KIF24: variants seen among roughly 807,000 people sequenced by gnomAD.
The protein encoded by KIF24 is kinesin family member 24.
A neutral mutation model predicts 118.9 loss-of-function variants in KIF24; 81 were observed. The observed-to-expected ratio is 0.68, with a 90% CI of 0.57 to 0.82. KIF24 has a LOEUF of 0.82. Among genes scored for constraint, KIF24 ranks in the 40% least tolerant of loss-of-function variants. KIF24 has a pLI of 0.00. For synonymous variants in KIF24, 599 were observed against 610.0 expected, an observed-to-expected ratio of 0.98 and a Z score of 0.27; for missense variants, 1,560 against 1,661.6, an observed-to-expected ratio of 0.94 and a Z score of 1.06.
chr9:34,283,888 T>C (rs1382557268), intron 6 of KIF24, among the ~76,000 whole-genome samples: 1 of 152,136 alleles, frequency 6.6e-6, no homozygotes, highest in African/African-American at 2.4e-5. Context: ...TATCTATCAA[T>C]TGAAAGTGTC....
At chr9:34,304,274 C>T (rs1329776887) in intron 3 of KIF24, among the ~76,000 whole-genome samples, 1 of 152,128 alleles carries the variant, frequency 6.6e-6, no homozygotes, top group Admixed American at 6.6e-5. Context: ...GTCTTCCCAG[C>T]ATTTTTATAT....
At chr9:34,301,395 G>A (rs567041318) in intron 3 of KIF24, among the ~76,000 whole-genome samples, 4 of 152,064 alleles carry the variant, frequency 2.6e-5, no homozygotes, top group Admixed American at 1.3e-4. Context: ...TTACAGGCAT[G>A]CAGCCACCAC....
chr9:34,318,587 C>CAG lies in KIF24; in HGVS notation c.-25-7218_-25-7217dup. 7.2e-7 allele frequency: 1 copy of CAG among 1,379,422 alleles called. No individual in the cohort carries two copies. Among genetic ancestry groups the CAG allele is most frequent in the Non-Finnish European group, 1.0e-6 (1 of 983,544 alleles). The allele number at this position is 1,379,422 out of a possible 1,614,324, so 85.4% of individuals were successfully genotyped here. A position where few individuals can be genotyped will look rare whatever the true frequency, so the allele number is the denominator to read the frequency against. On this transcript the variant is annotated intron_variant, in intron 1 of 12. Coordinates refer to ENST00000402558, the MANE Select transcript of KIF24 (RefSeq NM_194313.4). This position sits in a 1 kb window ranked among gnomAD's most constrained non-coding sequence, Gnocchi z 4.9. ...CCTGTACCAGGCCATGGCCAAGGAC[C>CAG]AGGCGGTGGAGAACATCCTGGTGTC...
intron 9 of KIF24, 31 bp downstream of exon 9, chr9:34,263,070 G>A (rs1291172738): frequency 6.5e-6 from 10 of 1,536,482 alleles, no homozygotes; most frequent in Middle Eastern, 3.4e-4. Flanking sequence ...GAATGAATCA[G>A]AACAAACTCA....
At chr9:34,311,713 T>C (rs28478906) in intron 1 of KIF24, among the ~76,000 whole-genome samples, 1 of 147,864 alleles carries the variant, frequency 6.8e-6, no homozygotes, top group African/African-American at 2.5e-5. Context: ...TATATACGTA[T>C]ATATGTATAT....
rs1165390990 is a variant in KIF24 at position 34,255,084 on chromosome 9, C to G, written c.3954G>C (p.Gln1318His). 1 of 1,589,300 alleles carries G rather than the reference C, an allele frequency of 6.3e-7. No homozygotes were observed. The highest frequency in any genetic ancestry group is 8.6e-7 in the Non-Finnish European group (1 of 1,167,358). The change falls in exon 12 of 13, where the codon CAG becomes CAC. Residue 1318 changes from glutamine (Q) to histidine (H), a missense_variant. Gln to His is a conservative substitution (Grantham distance 24, BLOSUM62 0). Transcript: ENST00000402558. Reference protein sequence around the residue: ...LGFKEETLMSQLASNDFEDFV... With the variant: ...LGFKEETLMSHLASNDFEDFV... ...CAGGGCTACTTACATTAGAAGCCAG[C>G]TGGCTCATCAGCGTCTCCTCCTTGA...
At chr9:34,325,360 G>C (rs1007255296) in intron 1 of KIF24, among the ~76,000 whole-genome samples, 1 of 90,960 alleles carries the variant, frequency 1.1e-5, no homozygotes, top group Admixed American at 1.1e-4. Context: ...AAAAAAAAAA[G>C]CAATATGTCT....
At chr9:34,304,972 T>C (rs568335335) in intron 3 of KIF24, among the ~76,000 whole-genome samples, 134 of 152,246 alleles carry the variant, frequency 8.8e-4, no homozygotes, top group African/African-American at 3.0e-3. Flanking sequence ...ATAATATGAA[T>C]GTTTAGGGAA....
At chr9:34,288,071 CT>C (rs1407111845) in intron 5 of KIF24, among the ~76,000 whole-genome samples, 1 of 152,084 alleles carries the variant, frequency 6.6e-6, no homozygotes, top group Non-Finnish European at 1.5e-5. Flanking sequence ...ACAATTTATC[CT>C]CTACTTCTAG....
Position 34,268,932 on chromosome 9 carries a change from T to C in KIF24, c.1443+325A>G, listed in dbSNP as rs572289529. ...TGATACTATTTGTTCTACTTTTCTA[T>C]GTTTGAAAAATTAATATAATTTTAA... On this transcript the variant is annotated intron_variant, in intron 8 of 12. Coordinates refer to ENST00000402558, the MANE Select transcript of KIF24 (RefSeq NM_194313.4). Among the ~76,000 whole-genome samples, 18 of 152,360 alleles carry C rather than the reference T, an allele frequency of 1.2e-4. No homozygotes were observed. In the South Asian group the frequency reaches 3.5e-3, roughly 30 times the overall value.
In KIF24 at chr9:34,257,272, G is replaced by A. The variant is rs780098864; in HGVS notation, c.2335C>T (p.Gln779Ter). Residue 779 changes from glutamine (Q) to a stop codon, truncating the protein, a stop_gained, in exon 11 of 13, where the codon CAG becomes TAG. Transcript: ENST00000402558. LOFTEE classifies it high-confidence loss of function. Reference protein sequence around the residue: ...QQFQQPPLLQQKLKYQPLKRS... With the variant: ...QQFQQPPLLQ The stretch of plus-strand genomic sequence containing the variant: ...TTCAGTGGTTGGTATTTTAACTTCT[G>A]TTGGAGGAGAGGTGGCTGTTGGAAC... The A allele has an allele frequency of 6.2e-7, 1 of 1,614,064 alleles. No individual in the cohort carries two copies. The highest frequency in any genetic ancestry group is 8.5e-7 in the Non-Finnish European group (1 of 1,179,904).
intron 9 of KIF24, among the ~76,000 whole-genome samples, chr9:34,260,322 A>G (rs1835008013): frequency 6.6e-6 from 1 of 152,244 alleles, no homozygotes; most frequent in African/African-American, 2.4e-5. Flanking sequence ...AGTAATATTT[A>G]GTAAAAATCT....
Position 34,306,280 on chromosome 9 carries a change from G to A in KIF24, c.785C>T (p.Ala262Val), listed in dbSNP as rs777350015. 2 of 1,606,612 alleles carry A rather than the reference G, an allele frequency of 1.2e-6. No homozygotes were observed. The highest frequency in any genetic ancestry group is 2.7e-5 in the African/African-American group (2 of 74,490). The stretch of plus-strand genomic sequence containing the variant: ...CAGAATATATTGAGTGAGGTCAACT[G>A]CTTCTTTCTTCTCATGCACAAGTAG... Reference protein sequence around the residue: ...ETLLVHEKKEAVDLTQYILQH... With the variant: ...ETLLVHEKKEVVDLTQYILQH... The change falls in exon 3 of 13, where the codon GCA becomes GTA. Residue 262 changes from alanine (A) to valine (V), a missense_variant. Ala to Val is a moderately conservative substitution (Grantham distance 64). This residue lies in a region of KIF24 where 964 missense variants were observed against 988.0 expected (regional missense o/e 0.98). Transcript: ENST00000402558.
chr9:34,276,167 C>T (rs1181422463), intron 6 of KIF24, among the ~76,000 whole-genome samples: 1 of 152,122 alleles, frequency 6.6e-6, no homozygotes, highest in African/African-American at 2.4e-5. Context: ...CTTTGGGAGG[C>T]TGAGGTGGGA....
intron 6 of KIF24, among the ~76,000 whole-genome samples, chr9:34,284,621 G>C (rs1729600433): frequency 6.6e-6 from 1 of 152,130 alleles, no homozygotes; most frequent in Admixed American, 6.5e-5. Context: ...CTCAAGCAAA[G>C]TTCAAAAACA....
chr9:34,266,914 A>C (rs1474113414), intron 8 of KIF24, among the ~76,000 whole-genome samples: 1 of 152,168 alleles, frequency 6.6e-6, no homozygotes, highest in Non-Finnish European at 1.5e-5. Context: ...GCAGCAAAAA[A>C]AGATATAATG....
At chr9:34,299,055 T>C (rs1045644598) in intron 3 of KIF24, among the ~76,000 whole-genome samples, 1 of 152,118 alleles carries the variant, frequency 6.6e-6, no homozygotes, top group African/African-American at 2.4e-5. Context: ...TATGAATATA[T>C]ATCATTCTTA....
chr9:34,259,475 T>G, intron 10 of KIF24, 121 bp downstream of exon 10: 1 of 711,688 alleles, frequency 1.4e-6, no homozygotes, highest in Non-Finnish European at 2.5e-6. Flanking sequence ...TGTGTGTGAG[T>G]GGGAGAGACA....
intron 1 of KIF24, among the ~76,000 whole-genome samples, chr9:34,320,032 C>T (rs528924620): frequency 2.4e-4 from 37 of 152,236 alleles, no homozygotes; most frequent in Non-Finnish European, 4.7e-4. Flanking sequence ...TCTCCTGACA[C>T]TAAACCACCT....
Sources: allele counts gnomAD v4.1 joint callset (sites outside exome capture counted in the v4.1 genomes callset), GRCh38; gene constraint gnomAD v4.1.1; regional missense constraint gnomAD v4.1.1; non-coding constraint Gnocchi (gnomAD v3.1); transcripts MANE v1.5; gene names NCBI Gene and HGNC (gene_info 2026-07-23, HGNC 2026-07-21).